Variants in TPRKB observed in about 807,000 individuals in gnomAD.
TPRKB encodes TP53RK binding protein.
Under a neutral mutation model 17.8 loss-of-function variants are expected in TPRKB, and 11 were observed. The observed-to-expected ratio is 0.62, with a 90% CI of 0.39 to 1.02. The LOEUF (loss-of-function observed/expected upper bound fraction) is 1.02, where lower values mean the gene tolerates loss of function less well. Among genes scored for constraint, TPRKB ranks in the 50% least tolerant of loss-of-function variants. TPRKB has a pLI of 0.00. For synonymous variants in TPRKB, 71 were observed against 69.5 expected (o/e 1.02, Z -0.11); for missense variants, 228 against 198.0 (o/e 1.15, Z -0.91).
intron 2 of TPRKB, among the ~76,000 whole-genome samples, chr2:73,733,652 G>C (rs181529946): frequency 2.0e-4 from 31 of 152,150 alleles, no homozygotes; most frequent in African/African-American, 7.5e-4. Flanking sequence ...CTATTTCCTA[G>C]GGCAGGACCT....
intron 1 of TPRKB, among the ~76,000 whole-genome samples, chr2:73,735,116 G>A (rs1408167850): frequency 2.0e-5 from 3 of 152,134 alleles, no homozygotes; most frequent in African/African-American, 4.8e-5. Flanking sequence ...ATCACCTGAG[G>A]TTGGGAGTTC....
chr2:73,736,777 T>G (rs535864469), intron 1 of TPRKB, among the ~76,000 whole-genome samples: 1 of 152,180 alleles, frequency 6.6e-6, no homozygotes, highest in Admixed American at 6.5e-5. Flanking sequence ...GTACATCAGA[T>G]CTTGTCATTC....
chr2:73,730,808 G>A (rs1302232719), intron 3 of TPRKB, 72 bp from the exon 4 acceptor site: 28 of 1,118,922 alleles, frequency 2.5e-5, no homozygotes, highest in Non-Finnish European at 3.4e-5. Context: ...AACATTTCCT[G>A]ATCTGCCTTC....
chr2:73,730,230 A>T, intron 4 of TPRKB: 1 of 553,876 alleles, frequency 1.8e-6, no homozygotes, highest in Non-Finnish European at 2.8e-6. Context: ...TATGGGAGTA[A>T]CTCTCAAGAA....
chr2:73,734,106 AT>A (rs977175024), intron 2 of TPRKB, among the ~76,000 whole-genome samples: 11 of 117,680 alleles, frequency 9.3e-5, no homozygotes, highest in Admixed American at 2.8e-4. Flanking sequence ...ATGCCTGGCC[AT>A]TTTTTTTTTC....
chr2:73,736,275 A>G (rs1438305818), intron 1 of TPRKB, among the ~76,000 whole-genome samples: 15 of 152,172 alleles, frequency 9.9e-5, no homozygotes, highest in Admixed American at 9.8e-4. Flanking sequence ...AAAAAGATAC[A>G]CATATTTTTT....
In TPRKB at chr2:73,736,442, G is replaced by A. The variant is rs529698403; in HGVS notation, c.-23+860C>T. On this transcript the variant is annotated intron_variant, in intron 1 of 4. Coordinates refer to ENST00000272424, the MANE Select transcript of TPRKB (RefSeq NM_016058.5). Reference sequence around the variant, plus strand: ...AAACATGAGTACACATAATAAGAAAGGAAAAAAACGTGCTTTTTAACACTG... The same window carrying A: ...AAACATGAGTACACATAATAAGAAAAGAAAAAAACGTGCTTTTTAACACTG... Among the ~76,000 whole-genome samples the A allele has an allele frequency of 3.9e-5, 6 of 152,182 alleles. No individual in the cohort carries two copies. In the East Asian group the frequency reaches 1.2e-3, roughly 29 times the overall value.
intron 1 of TPRKB, among the ~76,000 whole-genome samples, chr2:73,734,971 C>T (rs548078697): frequency 6.6e-6 from 1 of 152,280 alleles, no homozygotes; most frequent in South Asian, 2.1e-4. Flanking sequence ...ACTTCCTGAT[C>T]TCATCATTTT....
intron 2 of TPRKB, among the ~76,000 whole-genome samples, chr2:73,733,259 T>G (rs1218062853): frequency 1.4e-5 from 2 of 145,066 alleles, no homozygotes; most frequent in Non-Finnish European, 3.0e-5. Flanking sequence ...TTTTTGTTTT[T>G]TTTTTTTTTT....
chr2:73,729,906 T>C lies in TPRKB; in HGVS notation c.*37A>G. On this transcript the variant is annotated 3_prime_UTR_variant, in exon 5 of 5. Transcript: ENST00000272424. ...TCAGGAAAGGAAAATCAATGTTTTCTTTAATGCTGAGAATTTTTGTTAATA... is the reference window on the plus strand; with the variant it reads ...TCAGGAAAGGAAAATCAATGTTTTCCTTAATGCTGAGAATTTTTGTTAATA... The C allele has an allele frequency of 5.4e-6, 8 of 1,495,088 alleles. No homozygotes were observed. The highest frequency in any genetic ancestry group is 1.3e-5 in the South Asian group (1 of 78,002). The allele number at this position is 1,495,088 out of a possible 1,614,324, so 92.6% of individuals were successfully genotyped here.
intron 1 of TPRKB, among the ~76,000 whole-genome samples, chr2:73,735,633 A>G (rs2103870538): frequency 6.6e-6 from 1 of 152,374 alleles, no homozygotes; most frequent in East Asian, 1.9e-4. Context: ...AGGTTATTAT[A>G]TATAAAGACA....
chr2:73,732,665 C>T (rs781448605), intron 2 of TPRKB: 20 of 167,068 alleles, frequency 1.2e-4, no homozygotes, highest in African/African-American at 2.0e-4. Flanking sequence ...GCCAAGATCG[C>T]GCCATTGCAC....
Position 73,735,737 on chromosome 2 carries a change from A to G in TPRKB, c.-22-1146T>C, listed in dbSNP as rs1671849317. ...TGTATTGCAAAAATTTCTTTAAAAC[A>G]ATTTCTATCAAATTCTTAATAAAAT... On this transcript the variant is annotated intron_variant, in intron 1 of 4. Transcript: ENST00000272424. 2.6e-5 allele frequency among the ~76,000 whole-genome samples: 4 copies of G among 152,338 alleles called. No individual in the cohort carries two copies. The South Asian group carries it at 6.2e-4, about 24-fold the overall frequency.
intron 1 of TPRKB, among the ~76,000 whole-genome samples, chr2:73,735,094 C>T (rs1234801176): frequency 2.0e-5 from 3 of 152,064 alleles, no homozygotes; most frequent in African/African-American, 7.2e-5. Context: ...TCTGGGAGGC[C>T]GAGGCGAGCA....
rs892231912 is a variant in TPRKB, at chr2:73,730,832, C to T, written c.265-96G>A. On this transcript the variant is annotated intron_variant, in intron 3 of 4. Transcript: ENST00000272424. ...TGATCTGCCTTCTTCCTTGGTCAGG[C>T]TCTTATTTTTCATGTCCTAACAGTT... The T allele has an allele frequency of 3.2e-5, 29 of 910,344 alleles. No homozygotes were observed. In the African/African-American group the frequency reaches 4.6e-4, roughly 14 times the overall value. 56.4% of individuals were successfully genotyped at this position (910,344 alleles called of 1,614,324 possible). A position where few individuals can be genotyped will look rare whatever the true frequency, so the allele number is the denominator to read the frequency against.
chr2:73,736,217 G>A (rs1355034595), intron 1 of TPRKB, among the ~76,000 whole-genome samples: 2 of 151,914 alleles, frequency 1.3e-5, no homozygotes, highest in Non-Finnish European at 2.9e-5. Flanking sequence ...ATGCTAAGGT[G>A]GAAAAAATGG....
intron 4 of TPRKB, chr2:73,730,318 T>C (rs1404789528): frequency 1.4e-5 from 6 of 430,010 alleles, no homozygotes; most frequent in Admixed American, 1.3e-4. Flanking sequence ...GTAAGTTTGA[T>C]ATTTAAAGGT....
chr2:73,733,814 C>CTTTTTTTT (rs755122123), intron 2 of TPRKB, among the ~76,000 whole-genome samples: 5 of 114,036 alleles, frequency 4.4e-5, no homozygotes, highest in African/African-American at 7.7e-5. Context: ...CTCATTCATT[C>CTTTTTTTT]TTTTTTTTTT....
Position 73,731,907 on chromosome 2 carries a change from G to A in TPRKB, c.264+256C>T, listed in dbSNP as rs553314123. 3.5e-5 allele frequency: 10 copies of A among 288,048 alleles called. No homozygotes were observed. In the South Asian group the frequency reaches 1.2e-3, roughly 33 times the overall value. The allele number at this position is 288,048 out of a possible 1,614,324, so 17.8% of individuals were successfully genotyped here. On this transcript the variant is annotated intron_variant, in intron 3 of 4. Coordinates refer to ENST00000272424, the MANE Select transcript of TPRKB (RefSeq NM_016058.5). ...CAGCTTCTCAAGCAAAAATACTTGAGGGGTCTTCCTGACCCTATATGGTAA... is the reference window on the plus strand; with the variant it reads ...CAGCTTCTCAAGCAAAAATACTTGAAGGGTCTTCCTGACCCTATATGGTAA...
Sources: gnomAD v4.1 joint callset for allele counts (sites outside exome capture counted in the v4.1 genomes callset) on GRCh38, gnomAD v4.1.1 for gene constraint, MANE v1.5 for transcripts, NCBI Gene and HGNC (gene_info 2026-07-23, HGNC 2026-07-21) for gene names.